PPP2R5A: variants seen among roughly 807,000 people sequenced by gnomAD.
The protein encoded by PPP2R5A is serine/threonine-protein phosphatase 2A 56 kDa regulatory subunit alpha isoform.
A neutral mutation model predicts 64.2 loss-of-function variants in PPP2R5A; 25 were observed. That is an observed-to-expected ratio of 0.39 (90% CI 0.28 to 0.54). PPP2R5A has a LOEUF of 0.54. PPP2R5A is among the 20% of genes least tolerant of loss of function. PPP2R5A has a pLI of 0.67. For synonymous variants in PPP2R5A, 198 were observed against 201.2 expected, an observed-to-expected ratio of 0.98 and a Z score of 0.13; for missense variants, 425 against 576.3, an observed-to-expected ratio of 0.74 and a Z score of 2.69.
chr1:212,286,394 G>C, intron 1 of PPP2R5A, 103 bp downstream of exon 1: 1 of 1,286,304 alleles, frequency 7.8e-7, no homozygotes, highest in Non-Finnish European at 1.0e-6. Flanking sequence ...TGCTCAGTTG[G>C]GACTGGTAGT....
intron 1 of PPP2R5A, 49 bp downstream of exon 1, chr1:212,286,340 G>T (rs1571568596): frequency 7.1e-7 from 1 of 1,405,932 alleles, no homozygotes; most frequent in South Asian, 1.5e-5. Context: ...GGCTGGCAAC[G>T]CTTGCCTCTG....
At chr1:212,343,211 C>T (rs1659716911) in intron 4 of PPP2R5A, among the ~76,000 whole-genome samples, 2 of 152,292 alleles carry the variant, frequency 1.3e-5, no homozygotes, top group Admixed American at 1.3e-4. Flanking sequence ...CCTCAGCCTC[C>T]TAAAGAGCTA....
chr1:212,348,578 G>C, intron 7 of PPP2R5A, 81 bp downstream of exon 7: 4 of 1,023,950 alleles, frequency 3.9e-6, no homozygotes, highest in Non-Finnish European at 5.6e-6. Context: ...GAAATACTGA[G>C]ATGACAGTTT....
intron 1 of PPP2R5A, among the ~76,000 whole-genome samples, chr1:212,295,482 A>AT (rs953296691): frequency 3.9e-5 from 6 of 152,246 alleles, no homozygotes; most frequent in Non-Finnish European, 5.9e-5. Context: ...GCTAGAGATA[A>AT]TTTGAGAGTC....
intron 1 of PPP2R5A, among the ~76,000 whole-genome samples, chr1:212,317,583 ATT>A (rs535465498): frequency 6.8e-6 from 1 of 147,824 alleles, no homozygotes; most frequent in Non-Finnish European, 1.5e-5. Context: ...ATACACTCTG[ATT>A]TTTTTTTTTT....
rs573258204 is a variant in PPP2R5A at position 212,350,666 on chromosome 1, GAAAA to G, written c.927+1427_927+1430del. Among the ~76,000 whole-genome samples, 3 of 149,242 alleles carry G rather than the reference GAAAA, an allele frequency of 2.0e-5. No individual in the cohort carries two copies. The East Asian group carries it at 5.9e-4, about 29-fold the overall frequency. Reference sequence around the variant, plus strand: ...GAGACTCTGTCTTCAAAAAAAAAAAGAAAAAAGTAAAACCTTAATACAAATCTAT... The same window carrying G: ...GAGACTCTGTCTTCAAAAAAAAAAAGAAGTAAAACCTTAATACAAATCTAT... On this transcript the variant is annotated intron_variant, in intron 8 of 12. Coordinates refer to ENST00000261461, the MANE Select transcript of PPP2R5A (RefSeq NM_006243.4).
intron 11 of PPP2R5A, 73 bp downstream of exon 11, chr1:212,357,357 C>G (rs1371728802): frequency 1.4e-5 from 18 of 1,315,166 alleles, no homozygotes; most frequent in Non-Finnish European, 1.7e-5. Flanking sequence ...GATTTCCTAA[C>G]TCATACTTGA....
At chr1:212,346,025 AG>A in intron 5 of PPP2R5A, 92 bp downstream of exon 5, 2 of 1,268,384 alleles carry the variant, frequency 1.6e-6, no homozygotes, top group Non-Finnish European at 2.1e-6. Context: ...TTTTTGAGAC[AG>A]GGTCTCACTC....
intron 2 of PPP2R5A, among the ~76,000 whole-genome samples, chr1:212,329,828 T>G (rs1389879666): frequency 3.3e-5 from 5 of 152,092 alleles, no homozygotes; most frequent in Non-Finnish European, 7.4e-5. Flanking sequence ...GTATCTTCAG[T>G]AGAGATGGGG....
At chr1:212,353,091 A>T (rs1223480816) in intron 8 of PPP2R5A, 2 of 404,026 alleles carry the variant, frequency 5.0e-6, no homozygotes, top group Non-Finnish European at 9.8e-6. Context: ...AGTCTCATAT[A>T]AAGTGTCAGA....
chr1:212,348,727 T>C (rs771775659), intron 7 of PPP2R5A, among the ~76,000 whole-genome samples: 4 of 152,334 alleles, frequency 2.6e-5, no homozygotes, highest in African/African-American at 4.8e-5. Flanking sequence ...TTTCCTCATA[T>C]TATAGTCCAG....
intron 8 of PPP2R5A, among the ~76,000 whole-genome samples, chr1:212,351,953 T>A (rs1171326810): frequency 6.6e-6 from 1 of 150,876 alleles, no homozygotes; most frequent in Non-Finnish European, 1.5e-5. Context: ...CCCAAAATAA[T>A]TTTTTTATTT....
chr1:212,325,644 AT>A (rs1361685752), intron 1 of PPP2R5A, among the ~76,000 whole-genome samples: 2 of 151,936 alleles, frequency 1.3e-5, no homozygotes, highest in Non-Finnish European at 2.9e-5. Context: ...TCATTATGGA[AT>A]TTATATTAAT....
chr1:212,321,097 G>A (rs1485382876), intron 1 of PPP2R5A, among the ~76,000 whole-genome samples: 10 of 129,916 alleles, frequency 7.7e-5, no homozygotes, highest in African/African-American at 3.1e-4. Context: ...CGGACGGGGC[G>A]GCTGGCCGGG....
Position 212,299,236 on chromosome 1 carries a change from C to G in PPP2R5A, c.181+12945C>G. ...TGCCGGGCGGAGACGCTCCTCACTT[C>G]CCAGACGGGGTGGTTGCCAGACGGA... On this transcript the variant is annotated intron_variant, in intron 1 of 12. Coordinates refer to ENST00000261461, the MANE Select transcript of PPP2R5A (RefSeq NM_006243.4). 2 of 19,506 alleles carry G rather than the reference C, an allele frequency of 1.0e-4. 1 individual carries two copies. Among genetic ancestry groups the G allele is most frequent in the East Asian group, 1.1e-3 (2 of 1,836 alleles). 1.2% of individuals were successfully genotyped at this position (19,506 alleles called of 1,614,324 possible).
Position 212,360,895 on chromosome 1 carries a change from T to A in PPP2R5A, c.*125T>A. The A allele has an allele frequency of 1.1e-6, 1 of 904,538 alleles. No individual in the cohort carries two copies. The highest frequency in any genetic ancestry group is 1.5e-6 in the Non-Finnish European group (1 of 650,764). The allele number at this position is 904,538 out of a possible 1,614,324, so 56.0% of individuals were successfully genotyped here. ...AAAGGCCAATTTTTTCTGGCAACTGTAAATGGAAAAATATATGGACTAAAC... is the reference window on the plus strand; with the variant it reads ...AAAGGCCAATTTTTTCTGGCAACTGAAAATGGAAAAATATATGGACTAAAC... On this transcript the variant is annotated 3_prime_UTR_variant, in exon 13 of 13. Coordinates refer to ENST00000261461, the MANE Select transcript of PPP2R5A (RefSeq NM_006243.4).
chr1:212,358,026 C>T (rs1289040697), intron 11 of PPP2R5A: 1 of 152,304 alleles, frequency 6.6e-6, no homozygotes, highest in African/African-American at 2.4e-5. Flanking sequence ...TGGACTGAAA[C>T]TCCTGGGCTC....
At chr1:212,343,136 A>G (rs1170314023) in intron 4 of PPP2R5A, among the ~76,000 whole-genome samples, 1 of 151,760 alleles carries the variant, frequency 6.6e-6, no homozygotes. Context: ...TATTTCTAGT[A>G]GAGACGGGGT....
intron 1 of PPP2R5A, chr1:212,309,510 C>T (rs351380): frequency 0.34 from 257,594 of 761,476 alleles, 45,217 homozygotes; most frequent in Non-Finnish European, 0.37. Context: ...TCTTCGCTTT[C>T]GGCGCCATCT....
Sources: allele counts gnomAD v4.1 joint callset (sites outside exome capture counted in the v4.1 genomes callset), GRCh38; gene constraint gnomAD v4.1.1; transcripts MANE v1.5; gene names NCBI Gene and HGNC (gene_info 2026-07-23, HGNC 2026-07-21).